DOCK2: variants seen among roughly 807,000 people sequenced by gnomAD.
DOCK2 encodes dedicator of cytokinesis protein 2.
In DOCK2, 87 loss-of-function variants were observed where a neutral mutation model predicts 248.9. The observed-to-expected ratio is 0.35, with a 90% confidence interval of 0.29 to 0.42. The LOEUF is 0.42. Among genes scored for constraint, DOCK2 ranks in the 10% least tolerant of loss-of-function variants. The pLI, the probability that DOCK2 is intolerant of heterozygous loss-of-function variation, is 1.00. For synonymous variants in DOCK2, 805 were observed against 821.6 expected (o/e 0.98, Z 0.35); for missense variants, 1,747 against 2,300.2 (o/e 0.76, Z 4.92).
intron 26 of DOCK2, among the ~76,000 whole-genome samples, chr5:169,819,079 A>G (rs1294010081): frequency 2.0e-5 from 3 of 152,210 alleles, no homozygotes; most frequent in Admixed American, 6.5e-5. Flanking sequence ...AAGGAATGAC[A>G]TGATTCAGTG....
chr5:170,045,845 G>T lies in DOCK2; in HGVS notation c.3906G>T (p.Lys1302Asn), dbSNP rs1304958543. The stretch of plus-strand genomic sequence containing the variant: ...GGGAAGAGGCCATAAGTCTGTGCAA[G>T]GAGCTGGCGGAACAGTACGAGATGG... ...KMWEEAISLC[K>N]ELAEQYEMEI... The change falls in exon 39 of 52, where the codon AAG (lysine) becomes AAT (asparagine). Residue 1302 changes from lysine (K) to asparagine (N), a missense_variant. Physicochemically the swap from Lys to Asn is moderately conservative, Grantham distance 94. This residue lies in a region of DOCK2 where 858 missense variants were observed against 1,183.5 expected (regional missense o/e 0.72). Coordinates refer to ENST00000520908, the MANE Select transcript of DOCK2 (RefSeq NM_004946.3). 1.1e-5 allele frequency: 18 copies of T among 1,614,200 alleles called. No homozygotes were observed. The highest frequency in any genetic ancestry group is 1.5e-5 in the Non-Finnish European group (18 of 1,180,032).
In DOCK2 at chr5:169,702,082, TC is replaced by T. The variant is rs556567888; in HGVS notation, c.1259-218del. The T allele has an allele frequency of 7.8e-3, 3,058 of 390,152 alleles. 40 individuals are homozygous for T. Among genetic ancestry groups the T allele is most frequent in the Non-Finnish European group, 7.9e-3 (1,724 of 218,846 alleles). The allele number at this position is 390,152 out of a possible 1,614,324, so 24.2% of individuals were successfully genotyped here. ...ATGGCCAATTTTGAGTGTCCCTACT[TC>T]CCTTTTTGCAACTGATTTCCTAGCA... On this transcript the variant is annotated intron_variant, in intron 13 of 51. Coordinates refer to ENST00000520908, the MANE Select transcript of DOCK2 (RefSeq NM_004946.3).
intron 35 of DOCK2, 120 bp downstream of exon 35, chr5:170,034,675 C>A: frequency 7.3e-7 from 1 of 1,378,586 alleles, no homozygotes; most frequent in Admixed American, 2.6e-5. Flanking sequence ...GGAAAGCAGA[C>A]AAATGTGGAA....
chr5:169,933,667 C>T (rs913527694), intron 27 of DOCK2, among the ~76,000 whole-genome samples: 1 of 152,154 alleles, frequency 6.6e-6, no homozygotes, highest in African/African-American at 2.4e-5. Flanking sequence ...GTCAGGGGAC[C>T]TTACTGGCCG....
At chr5:169,923,138 C>T (rs975015043) in intron 27 of DOCK2, among the ~76,000 whole-genome samples, 1 of 152,208 alleles carries the variant, frequency 6.6e-6, no homozygotes, top group Non-Finnish European at 1.5e-5. Context: ...CTATGCTCCT[C>T]ACCTCTGTGC....
intron 26 of DOCK2, among the ~76,000 whole-genome samples, chr5:169,812,435 A>G (rs1286206007): frequency 6.6e-6 from 1 of 152,196 alleles, no homozygotes; most frequent in Non-Finnish European, 1.5e-5. Context: ...TTCATTATGT[A>G]TTACAAGGTA....
In DOCK2 at chr5:169,863,114, C is replaced by T. The variant is rs144614283; in HGVS notation, c.2799+22262C>T. 3.7e-4 allele frequency among the ~76,000 whole-genome samples: 56 copies of T among 152,288 alleles called. 1 individual carries two copies. The highest frequency in any genetic ancestry group is 3.5e-3 in the South Asian group (17 of 4,828). On this transcript the variant is annotated intron_variant, in intron 27 of 51. Coordinates refer to ENST00000520908, the MANE Select transcript of DOCK2 (RefSeq NM_004946.3). ...AGCCATGCAAGTTTGACTGGATCCA[C>T]ATGTATGTAGGTCTTGTCAACAGAA...
chr5:169,855,227 C>T (rs1407680089), intron 27 of DOCK2, among the ~76,000 whole-genome samples: 1 of 152,204 alleles, frequency 6.6e-6, no homozygotes, highest in African/African-American at 2.4e-5. Context: ...CTCATTGTAA[C>T]TTCAAGAAAC....
chr5:169,658,784 C>T (rs1758275990), intron 2 of DOCK2, among the ~76,000 whole-genome samples: 1 of 151,278 alleles, frequency 6.6e-6, no homozygotes, highest in South Asian at 2.1e-4. Flanking sequence ...ATGGTGTGTA[C>T]CTATAGTCCT....
At chr5:169,733,308 C>T (rs1465093470) in intron 22 of DOCK2, among the ~76,000 whole-genome samples, 1 of 151,398 alleles carries the variant, frequency 6.6e-6, no homozygotes, top group Non-Finnish European at 1.5e-5. Context: ...TTAACATTTC[C>T]CTGAGTAATA....
chr5:170,042,990 T>C (rs778745469), intron 38 of DOCK2, among the ~76,000 whole-genome samples: 1 of 152,200 alleles, frequency 6.6e-6, no homozygotes. Context: ...ATGAACTGAA[T>C]GGATAAATGA....
At chr5:169,771,603 T>A (rs1485413765) in intron 25 of DOCK2, among the ~76,000 whole-genome samples, 4 of 152,170 alleles carry the variant, frequency 2.6e-5, no homozygotes, top group Admixed American at 6.5e-5. Context: ...GTCAGATTGG[T>A]TGTATTTTTC....
At chr5:169,883,439 C>T (rs754722504) in intron 27 of DOCK2, 2 of 1,551,672 alleles carry the variant, frequency 1.3e-6, no homozygotes, top group South Asian at 1.2e-5. Flanking sequence ...AGATGCTGAG[C>T]CAACCTTAAG....
intron 27 of DOCK2, chr5:169,883,072 G>T (rs756719112): frequency 6.4e-7 from 1 of 1,551,662 alleles, no homozygotes; most frequent in Non-Finnish European, 8.7e-7. Flanking sequence ...AAGCAATTCA[G>T]GTTTAAGTTC....
intron 27 of DOCK2, among the ~76,000 whole-genome samples, chr5:169,954,308 T>C (rs1470660548): frequency 6.6e-6 from 1 of 152,256 alleles, no homozygotes; most frequent in Non-Finnish European, 1.5e-5. Context: ...TTAAGTGTAA[T>C]AAAATTTTTA....
intron 25 of DOCK2, among the ~76,000 whole-genome samples, chr5:169,791,109 C>T (rs1278242056): frequency 6.6e-6 from 1 of 152,172 alleles, no homozygotes; most frequent in Admixed American, 6.5e-5. Flanking sequence ...TAAATACGGG[C>T]CCCTTATTTG....
chr5:169,924,706 T>C (rs1300514782), intron 27 of DOCK2, among the ~76,000 whole-genome samples: 1 of 152,238 alleles, frequency 6.6e-6, no homozygotes, highest in African/African-American at 2.4e-5. Flanking sequence ...AGAGGCTTTT[T>C]TTGAAGGAGG....
intron 1 of DOCK2, among the ~76,000 whole-genome samples, chr5:169,642,104 C>T (rs1287946936): frequency 6.6e-6 from 1 of 152,206 alleles, no homozygotes; most frequent in Admixed American, 6.5e-5. Flanking sequence ...AACTGCATCC[C>T]AAACATACCC....
At chr5:169,808,306 G>C (rs1767525826) in intron 26 of DOCK2, among the ~76,000 whole-genome samples, 1 of 152,102 alleles carries the variant, frequency 6.6e-6, no homozygotes, top group East Asian at 1.9e-4. Flanking sequence ...CCATTTGGGG[G>C]GCGCTGTGTG....
Sources: gnomAD v4.1 joint callset for allele counts (sites outside exome capture counted in the v4.1 genomes callset) on GRCh38, gnomAD v4.1.1 for gene constraint, gnomAD v4.1.1 regional missense constraint, MANE v1.5 for transcripts, NCBI Gene and HGNC (gene_info 2026-07-23, HGNC 2026-07-21) for gene names.